DHTKD1: variants seen among roughly 807,000 people sequenced by gnomAD.
DHTKD1 encodes dehydrogenase E1 and transketolase domain containing 1.
DHTKD1 carries 78 observed loss-of-function variants against 101.8 expected under a neutral mutation model. The ratio of observed to expected loss-of-function variants is 0.77; its 90% CI spans 0.64 to 0.93. DHTKD1 has a LOEUF of 0.93. Among genes scored for constraint, DHTKD1 ranks in the 40% least tolerant of loss-of-function variants. The pLI is 0.00. For missense variants in DHTKD1, 1,223 were observed against 1,161.7 expected (o/e 1.05, Z -0.77); for synonymous variants, 462 against 450.3 (o/e 1.03, Z -0.33).
At chr10:12,102,093 T>A (rs2131616959) in intron 10 of DHTKD1, among the ~76,000 whole-genome samples, 1 of 152,256 alleles carries the variant, frequency 6.6e-6, no homozygotes, top group South Asian at 2.1e-4. Flanking sequence ...TAGCCATTAG[T>A]TTGAGAACAT....
At chr10:12,112,256 A>C (rs1481543584) in intron 12 of DHTKD1, among the ~76,000 whole-genome samples, 3 of 152,116 alleles carry the variant, frequency 2.0e-5, no homozygotes, top group African/African-American at 7.2e-5. Context: ...TTGGGGTTAC[A>C]GTGTGCTATG....
intron 1 of DHTKD1, 93 bp from the exon 2 acceptor site, chr10:12,081,379 C>G (rs1366322775): frequency 9.8e-7 from 1 of 1,016,818 alleles, no homozygotes; most frequent in Non-Finnish European, 1.5e-6. Context: ...AGTAAGGTGT[C>G]TAGGGCTGTA....
intron 2 of DHTKD1, 23 bp downstream of exon 2, chr10:12,081,650 G>A (rs761587264): frequency 1.2e-5 from 20 of 1,613,596 alleles, no homozygotes; most frequent in African/African-American, 1.1e-4. Context: ...CACAGCAGGC[G>A]GGAGCTCGGA....
At chr10:12,074,891 C>T (rs1253851762) in intron 1 of DHTKD1, among the ~76,000 whole-genome samples, 1 of 151,970 alleles carries the variant, frequency 6.6e-6, no homozygotes, top group Admixed American at 6.6e-5. Flanking sequence ...CCTTAGAGGC[C>T]GAAGCCAGTG....
At chr10:12,118,726 A>G (rs370275353) in intron 14 of DHTKD1, 23 bp from the exon 15 acceptor site, 20 of 1,471,884 alleles carry the variant, frequency 1.4e-5, no homozygotes, top group African/African-American at 1.0e-4. Flanking sequence ...CCCCCACCCT[A>G]TTGTTCCTTT....
chr10:12,070,270 T>A (rs567569918), intron 1 of DHTKD1, among the ~76,000 whole-genome samples: 1 of 152,348 alleles, frequency 6.6e-6, no homozygotes, highest in African/African-American at 2.4e-5. Flanking sequence ...AAAATTATTG[T>A]ATCATTATTT....
At chr10:12,106,148 C>A in intron 10 of DHTKD1, 98 bp from the exon 11 acceptor site, 2 of 1,241,904 alleles carry the variant, frequency 1.6e-6, no homozygotes, top group Non-Finnish European at 2.3e-6. Context: ...GAGAGCAAGG[C>A]TCCCTCTCCG....
chr10:12,121,529 G>A lies in DHTKD1; in HGVS notation c.*641G>A, dbSNP rs939928634. ...AATCCCAGCACTTTGGGAGGCTTAGGCGGCTGGATCACCTGAGGTCAGGAG... is the reference window on the plus strand; with the variant it reads ...AATCCCAGCACTTTGGGAGGCTTAGACGGCTGGATCACCTGAGGTCAGGAG... On this transcript the variant is annotated 3_prime_UTR_variant, in exon 17 of 17. Coordinates refer to ENST00000263035, the MANE Select transcript of DHTKD1 (RefSeq NM_018706.7). 6.6e-6 allele frequency: 1 copy of A among 152,458 alleles called. No individual in the cohort carries two copies. The allele number at this position is 152,458 out of a possible 1,614,324, so 9.4% of individuals were successfully genotyped here.
At chr10:12,085,576 C>T (rs555306069) in intron 3 of DHTKD1, among the ~76,000 whole-genome samples, 1 of 152,148 alleles carries the variant, frequency 6.6e-6, no homozygotes, top group African/African-American at 2.4e-5. Context: ...TTACTTAAGA[C>T]TTACTTAAGA....
chr10:12,094,280 A>G lies in DHTKD1; in HGVS notation c.1358+9A>G, dbSNP rs1270166462. 8 of 1,612,440 alleles carry G rather than the reference A, an allele frequency of 5.0e-6. No homozygotes were observed. The East Asian group carries it at 6.7e-5, about 13-fold the overall frequency. On this transcript the variant is annotated intron_variant, in intron 7 of 16. Coordinates refer to ENST00000263035, the MANE Select transcript of DHTKD1 (RefSeq NM_018706.7). ...ATGTACAAAATCATCAGGTACAATT[A>G]TAAACCCTTGTGTGATATGCCCCCT...
At position 12,087,742 on chromosome 10, in the gene DHTKD1, G is replaced by T. The variant is rs778027470; in HGVS notation, c.717+13G>T. On this transcript the variant is annotated intron_variant, in intron 4 of 16. Coordinates refer to ENST00000263035, the MANE Select transcript of DHTKD1 (RefSeq NM_018706.7). This position sits in a 1 kb window ranked among gnomAD's most constrained non-coding sequence, Gnocchi z 5.2. ...GTTCCCTCCAGAGGTAAGGTTACTCGCTGTGTTTCTCAGTAGCACTATATG... is the reference window on the plus strand; with the variant it reads ...GTTCCCTCCAGAGGTAAGGTTACTCTCTGTGTTTCTCAGTAGCACTATATG... The T allele has an allele frequency of 6.4e-7, 1 of 1,568,846 alleles. No individual in the cohort carries two copies. Among genetic ancestry groups the T allele is most frequent in the South Asian group, 1.2e-5 (1 of 84,318 alleles).
Position 12,121,011 on chromosome 10 carries a change from G to C in DHTKD1, c.*123G>C. 2 of 776,802 alleles carry C rather than the reference G, an allele frequency of 2.6e-6. No homozygotes were observed. Among genetic ancestry groups the C allele is most frequent in the South Asian group, 3.0e-5 (2 of 66,550 alleles). The allele number at this position is 776,802 out of a possible 1,614,324, so 48.1% of individuals were successfully genotyped here. On this transcript the variant is annotated 3_prime_UTR_variant, in exon 17 of 17. Transcript: ENST00000263035. ...AAGGCTGGTGGATCACCTGAGGTCA[G>C]GAGTTCGAGACCAGCCTGGCCAACA...
At chr10:12,075,455 T>C (rs749225680) in intron 1 of DHTKD1, among the ~76,000 whole-genome samples, 3 of 152,184 alleles carry the variant, frequency 2.0e-5, no homozygotes, top group Non-Finnish European at 4.4e-5. Context: ...TTAGCCAGGA[T>C]GGTCTCGATC....
chr10:12,075,959 A>G (rs1035049193), intron 1 of DHTKD1, among the ~76,000 whole-genome samples: 63 of 150,416 alleles, frequency 4.2e-4, no homozygotes, highest in Middle Eastern at 3.4e-3. Flanking sequence ...AAAAAAAGGA[A>G]AAAGAAAATA....
At chr10:12,093,027 T>C (rs920102763) in intron 6 of DHTKD1, among the ~76,000 whole-genome samples, 4 of 147,320 alleles carry the variant, frequency 2.7e-5, no homozygotes, top group African/African-American at 9.9e-5. Context: ...TACAGACACA[T>C]GCCACCATGC....
At chr10:12,080,299 C>CAA (rs11359134) in intron 1 of DHTKD1, among the ~76,000 whole-genome samples, 3 of 87,680 alleles carry the variant, frequency 3.4e-5, no homozygotes, top group Non-Finnish European at 4.5e-5. Flanking sequence ...GACTCCGTCT[C>CAA]AAAAAAAAAA....
chr10:12,088,943 G>T lies in DHTKD1; in HGVS notation c.718-43G>T, dbSNP rs774028181. On this transcript the variant is annotated intron_variant, in intron 4 of 16. Transcript: ENST00000263035. The stretch of plus-strand genomic sequence containing the variant: ...CAGCACTTCTTCCCTAGACTCCATT[G>T]TGATGAATGCCATTTTTTTCCTTTT... 7.6e-6 allele frequency: 12 copies of T among 1,568,974 alleles called. No individual in the cohort carries two copies. The African/African-American group carries it at 1.6e-4, about 21-fold the overall frequency.
At chr10:12,091,763 A>G (rs1006917449) in intron 6 of DHTKD1, 79 bp downstream of exon 6, 4 of 1,189,368 alleles carry the variant, frequency 3.4e-6, no homozygotes, top group Non-Finnish European at 4.8e-6. Context: ...ACACAGAACA[A>G]TGAGCCTCAC....
intron 13 of DHTKD1, among the ~76,000 whole-genome samples, chr10:12,113,266 C>T (rs778854376): frequency 1.3e-5 from 2 of 152,154 alleles, no homozygotes; most frequent in Non-Finnish European, 1.5e-5. Context: ...GGTGCAATCT[C>T]GGCCCGTTGC....
Sources: gnomAD v4.1 joint callset for allele counts (sites outside exome capture counted in the v4.1 genomes callset) on GRCh38, gnomAD v4.1.1 for gene constraint, Gnocchi (gnomAD v3.1) non-coding constraint, MANE v1.5 for transcripts, NCBI Gene and HGNC (gene_info 2026-07-23, HGNC 2026-07-21) for gene names.